Variants in ASIP observed in about 807,000 individuals in gnomAD.
The protein encoded by ASIP is agouti-signaling protein.
Under a neutral mutation model 10.3 loss-of-function variants are expected in ASIP, and 11 were observed. The observed-to-expected ratio is 1.07, with a 90% CI of 0.68 to 1.78. The LOEUF is 1.78. ASIP is among the 40% of genes most tolerant of loss of function. The pLI is 0.00. For missense variants in ASIP, 180 were observed against 169.2 expected, an observed-to-expected ratio of 1.06 and a Z score of -0.35; for synonymous variants, 70 against 70.8, an observed-to-expected ratio of 0.99 and a Z score of 0.06.
At chr20:34,200,313 C>T (rs2034884232) in intron 1 of ASIP, among the ~76,000 whole-genome samples, 1 of 152,156 alleles carries the variant, frequency 6.6e-6, no homozygotes, top group African/African-American at 2.4e-5. Context: ...GTAAAGCAAA[C>T]TTAATTGTAA....
chr20:34,222,893 G>T lies in ASIP; in HGVS notation c.-11+28133G>T, dbSNP rs1256266374. Among the ~76,000 whole-genome samples the T allele has an allele frequency of 7.9e-5, 12 of 152,240 alleles. No individual in the cohort carries two copies. In the East Asian group the frequency reaches 1.9e-3, roughly 25 times the overall value. The stretch of plus-strand genomic sequence containing the variant: ...GATCCGCCAGCCTCGGCCTCCCGAG[G>T]TGCCGGGATTGCAGACGGAGTCTCG... On this transcript the variant is annotated intron_variant, in intron 1 of 3. Transcript: ENST00000568305.
At chr20:34,231,884 C>A (rs2035124148) in intron 1 of ASIP, among the ~76,000 whole-genome samples, 1 of 152,216 alleles carries the variant, frequency 6.6e-6, no homozygotes. Flanking sequence ...ATGGAACTCT[C>A]ATATATGTCA....
chr20:34,190,407 G>A (rs1487700145), upstream of ASIP, among the ~76,000 whole-genome samples: 1 of 152,134 alleles, frequency 6.6e-6, no homozygotes, highest in Non-Finnish European at 1.5e-5. Context: ...CTAGAGTGTA[G>A]TCCTTGGAAC....
intron 2 of ASIP, among the ~76,000 whole-genome samples, chr20:34,261,015 CACTGT>C (rs1412258255): frequency 6.6e-6 from 1 of 152,140 alleles, no homozygotes; most frequent in South Asian, 2.1e-4. Flanking sequence ...GTGTGGTAGG[CACTGT>C]GAGGTGAGTA....
intron 1 of ASIP, among the ~76,000 whole-genome samples, chr20:34,217,773 A>G (rs923615926): frequency 6.6e-6 from 1 of 152,186 alleles, no homozygotes; most frequent in Non-Finnish European, 1.5e-5. Flanking sequence ...CGTGTTAGCC[A>G]GGATGGTCTC....
At chr20:34,248,280 C>T (rs1311951090) in intron 1 of ASIP, among the ~76,000 whole-genome samples, 1 of 151,996 alleles carries the variant, frequency 6.6e-6, no homozygotes, top group East Asian at 1.9e-4. Flanking sequence ...TTAGAATGAA[C>T]TTATGACATC....
chr20:34,211,183 C>G (rs2034972411), intron 1 of ASIP, among the ~76,000 whole-genome samples: 1 of 152,076 alleles, frequency 6.6e-6, no homozygotes, highest in African/African-American at 2.4e-5. Context: ...GAGCATGCCA[C>G]CATGCCTGGC....
intron 1 of ASIP, among the ~76,000 whole-genome samples, chr20:34,254,069 C>T (rs982749679): frequency 3.3e-5 from 5 of 151,326 alleles, no homozygotes; most frequent in East Asian, 1.9e-4. Flanking sequence ...TGTTTTGTTT[C>T]GTTTTTTTTT....
chr20:34,235,786 GAAGAAAGAAAGAAAGA>G (rs572242709), intron 1 of ASIP, among the ~76,000 whole-genome samples: 874 of 61,368 alleles, frequency 0.014, 38 homozygotes, highest in African/African-American at 0.036. Flanking sequence ...CTCTGAGAAA[GAAGAAAGAAAGAAAGA>G]AAGAAAGAAA....
intron 1 of ASIP, among the ~76,000 whole-genome samples, chr20:34,200,971 TC>T (rs201457200): frequency 0.22 from 13,163 of 60,296 alleles, 983 homozygotes; most frequent in African/African-American, 0.36. Flanking sequence ...TTTCTTTCTT[TC>T]CTTCCTTCCT....
At position 34,221,949 on chromosome 20, in the gene ASIP, A is replaced by G. The variant is rs187444521; in HGVS notation, c.-11+27189A>G. On this transcript the variant is annotated intron_variant, in intron 1 of 3. Transcript: ENST00000568305. ...ACATGGCAAAACCTTGTCCCTACAA[A>G]TAATACAAAAATTAGCCAGGTGTGG... Among the ~76,000 whole-genome samples, 8 of 152,200 alleles carry G rather than the reference A, an allele frequency of 5.3e-5. No homozygotes were observed. In the East Asian group the frequency reaches 1.4e-3, roughly 26 times the overall value.
chr20:34,265,670 C>G (rs2035771540), intron 3 of ASIP, among the ~76,000 whole-genome samples: 1 of 152,072 alleles, frequency 6.6e-6, no homozygotes, highest in Non-Finnish European at 1.5e-5. Flanking sequence ...GTAAAGTTGG[C>G]CGGGCACAGT....
chr20:34,267,115 T>G (rs1319292346), intron 3 of ASIP, among the ~76,000 whole-genome samples: 1 of 152,244 alleles, frequency 6.6e-6, no homozygotes, highest in Non-Finnish European at 1.5e-5. Flanking sequence ...TATATTTATA[T>G]GCTAAGCACT....
intron 1 of ASIP, among the ~76,000 whole-genome samples, chr20:34,235,899 A>G (rs199980600): frequency 0.011 from 688 of 64,330 alleles, 37 homozygotes; most frequent in African/African-American, 0.045. Flanking sequence ...GGAAGGAAGG[A>G]AAGGAAGGAA....
the ASIP span, among the ~76,000 whole-genome samples, chr20:34,187,221 T>A: frequency 6.6e-6 from 1 of 152,214 alleles, no homozygotes; most frequent in Admixed American, 6.5e-5. Context: ...GTGAGAGTCA[T>A]AAATAAATAA....
intron 1 of ASIP, among the ~76,000 whole-genome samples, chr20:34,257,779 G>A (rs906720049): frequency 2.6e-5 from 4 of 152,142 alleles, no homozygotes; most frequent in African/African-American, 7.2e-5. Context: ...CAAATCTGAA[G>A]TCTGATAAAT....
At chr20:34,213,489 G>A in intron 1 of ASIP, 1 of 1,384,206 alleles carries the variant, frequency 7.2e-7, no homozygotes, top group Non-Finnish European at 9.9e-7. Context: ...CACTGAAAAA[G>A]TCTGTCTCTA....
intron 1 of ASIP, among the ~76,000 whole-genome samples, chr20:34,244,149 C>A (rs2035331400): frequency 1.3e-5 from 2 of 152,182 alleles, no homozygotes; most frequent in South Asian, 4.1e-4. Context: ...CTCTAAGTTT[C>A]TTAGAAGTGT....
chr20:34,248,226 A>C (rs2035413203), intron 1 of ASIP, among the ~76,000 whole-genome samples: 2 of 152,036 alleles, frequency 1.3e-5, no homozygotes, highest in African/African-American at 4.8e-5. Context: ...ATTGCCTCTG[A>C]AGGTATGTCT....
Sources: gnomAD v4.1 joint callset for allele counts (sites outside exome capture counted in the v4.1 genomes callset) on GRCh38, gnomAD v4.1.1 for gene constraint, MANE v1.5 for transcripts, NCBI Gene and HGNC (gene_info 2026-07-23, HGNC 2026-07-21) for gene names.